The following PPP3CA variants were observed in gnomAD, a reference collection of about 807,000 sequenced individuals.
PPP3CA encodes the protein CAM-PRP catalytic subunit.
In PPP3CA, 14 loss-of-function variants were observed where a neutral mutation model predicts 66.5. The observed-to-expected ratio is 0.21, with a 90% CI of 0.14 to 0.33. PPP3CA has a LOEUF of 0.33. PPP3CA is among the 10% of genes least tolerant of loss of function. PPP3CA has a pLI of 1.00. For missense variants in PPP3CA, 317 were observed against 639.5 expected (o/e 0.50, Z 5.44); for synonymous variants, 232 against 226.2 (o/e 1.03, Z -0.23).
intron 2 of PPP3CA, 53 bp downstream of exon 2, chr4:101,195,863 T>C: frequency 6.6e-7 from 1 of 1,512,448 alleles, no homozygotes; most frequent in Non-Finnish European, 9.1e-7. Context: ...GATTTCATGC[T>C]ATAAACAACA....
At chr4:101,114,792 G>A (rs1334990653) in intron 2 of PPP3CA, among the ~76,000 whole-genome samples, 4 of 151,992 alleles carry the variant, frequency 2.6e-5, no homozygotes, top group African/African-American at 7.2e-5. Context: ...TTTGATCTAA[G>A]TTGAAGCATT....
At chr4:101,275,385 T>A (rs776185543) in intron 1 of PPP3CA, among the ~76,000 whole-genome samples, 1 of 152,212 alleles carries the variant, frequency 6.6e-6, no homozygotes, top group Non-Finnish European at 1.5e-5. Flanking sequence ...TAATCGCCTA[T>A]AGAAAGTTAT....
chr4:101,324,690 C>CA (rs1329077541), intron 1 of PPP3CA, among the ~76,000 whole-genome samples: 1 of 139,380 alleles, frequency 7.2e-6, no homozygotes. Flanking sequence ...AAGAATGGAA[C>CA]AACAAAAAAA....
At chr4:101,270,557 T>C (rs944131709) in intron 1 of PPP3CA, among the ~76,000 whole-genome samples, 2 of 152,146 alleles carry the variant, frequency 1.3e-5, no homozygotes, top group Non-Finnish European at 2.9e-5. Context: ...TTGCAAGAAA[T>C]TAGATACCAA....
chr4:101,089,281 A>G (rs1455546039), intron 6 of PPP3CA, among the ~76,000 whole-genome samples: 1 of 152,152 alleles, frequency 6.6e-6, no homozygotes, highest in East Asian at 1.9e-4. Flanking sequence ...CAGGAAGAGA[A>G]GGGATCGCCC....
Position 101,080,927 on chromosome 4 carries a change from T to C in PPP3CA, c.861-301A>G, listed in dbSNP as rs1048240901. Among the ~76,000 whole-genome samples the C allele has an allele frequency of 4.9e-4, 74 of 152,098 alleles. 1 individual carries two copies. The highest frequency in any genetic ancestry group is 1.7e-3 in the African/African-American group (72 of 41,426). On this transcript the variant is annotated intron_variant, in intron 7 of 13. Coordinates refer to ENST00000394854, the MANE Select transcript of PPP3CA (RefSeq NM_000944.5). Reference sequence around the variant, plus strand: ...AAAATCATAATTCATTTCCATGTGTTCAACAGAAGGCTGATTAGTGCACAC... The same window carrying C: ...AAAATCATAATTCATTTCCATGTGTCCAACAGAAGGCTGATTAGTGCACAC...
intron 7 of PPP3CA, 46 bp from the exon 8 acceptor site, chr4:101,080,672 G>A (rs762692342): frequency 5.1e-6 from 6 of 1,176,194 alleles, no homozygotes; most frequent in Admixed American, 2.2e-5. Flanking sequence ...ATGGAAAAAA[G>A]ATAATATCAA....
chr4:101,162,184 G>A (rs537449970), intron 2 of PPP3CA, among the ~76,000 whole-genome samples: 4 of 152,152 alleles, frequency 2.6e-5, no homozygotes, highest in African/African-American at 9.6e-5. Flanking sequence ...AGGTTGTGGT[G>A]AGCCAAGATG....
At chr4:101,178,004 A>G (rs1366056187) in intron 2 of PPP3CA, among the ~76,000 whole-genome samples, 1 of 152,104 alleles carries the variant, frequency 6.6e-6, no homozygotes, top group African/African-American at 2.4e-5. Context: ...AATAAGTGAT[A>G]TTTTTTGGTC....
intron 1 of PPP3CA, among the ~76,000 whole-genome samples, chr4:101,206,092 A>G (rs1223178296): frequency 6.6e-6 from 1 of 152,172 alleles, no homozygotes; most frequent in Non-Finnish European, 1.5e-5. Flanking sequence ...TAATGCTTAC[A>G]CTGTTTGCTT....
In PPP3CA at chr4:101,027,112, G is replaced by T. The variant is rs1043012857; in HGVS notation, c.1370-1051C>A. Among the ~76,000 whole-genome samples, 38 of 152,130 alleles carry T rather than the reference G, an allele frequency of 2.5e-4. No individual in the cohort carries two copies. The East Asian group carries it at 7.2e-3, about 29-fold the overall frequency. ...GAGCTGCAAATAAAACACATAAATG[G>T]GGAACCAATGACATCAGTTTGCTTT... is the stretch of plus-strand genomic sequence containing the variant. On this transcript the variant is annotated intron_variant, in intron 13 of 13. Transcript: ENST00000394854.
chr4:101,115,303 T>A (rs1341387825), intron 2 of PPP3CA, among the ~76,000 whole-genome samples: 1 of 151,816 alleles, frequency 6.6e-6, no homozygotes, highest in African/African-American at 2.4e-5. Context: ...GAGAATAGAA[T>A]CTTGGCAAAG....
At chr4:101,259,468 A>G (rs1457378852) in intron 1 of PPP3CA, among the ~76,000 whole-genome samples, 1 of 151,980 alleles carries the variant, frequency 6.6e-6, no homozygotes, top group Non-Finnish European at 1.5e-5. Flanking sequence ...CAGTCCCCAC[A>G]GTGGGCACCA....
chr4:101,327,844 C>T (rs765955645), intron 1 of PPP3CA, among the ~76,000 whole-genome samples: 12 of 152,042 alleles, frequency 7.9e-5, no homozygotes, highest in Non-Finnish European at 1.5e-4. Flanking sequence ...TATATATTAA[C>T]AAAATGAGAA....
intron 1 of PPP3CA, among the ~76,000 whole-genome samples, chr4:101,346,046 A>G (rs1022084054): frequency 1.3e-5 from 2 of 152,052 alleles, no homozygotes; most frequent in African/African-American, 4.8e-5. Flanking sequence ...TGGTGCTCTC[A>G]GGTCGTTCCC....
intron 2 of PPP3CA, among the ~76,000 whole-genome samples, chr4:101,133,780 A>G (rs554406740): frequency 6.6e-6 from 1 of 152,354 alleles, no homozygotes; most frequent in South Asian, 2.1e-4. Flanking sequence ...AAGAGCCCAT[A>G]TAACCAAGAC....
chr4:101,064,501 T>C (rs10008256), intron 8 of PPP3CA, among the ~76,000 whole-genome samples: 9,629 of 152,066 alleles, frequency 0.063, 348 homozygotes, highest in African/African-American at 0.092. Context: ...AGATTTTATA[T>C]GATATCATAT....
chr4:101,116,627 G>A (rs1256597246), intron 2 of PPP3CA, among the ~76,000 whole-genome samples: 2 of 151,756 alleles, frequency 1.3e-5, no homozygotes, highest in African/African-American at 2.4e-5. Flanking sequence ...TTAACAGAAT[G>A]CACAAACTTC....
chr4:101,151,833 T>C (rs1205577563), intron 2 of PPP3CA, among the ~76,000 whole-genome samples: 3 of 151,648 alleles, frequency 2.0e-5, no homozygotes, highest in African/African-American at 7.3e-5. Context: ...ATTTTTTGTA[T>C]TTTTAGTAGA....
Sources: allele counts gnomAD v4.1 joint callset (sites outside exome capture counted in the v4.1 genomes callset), GRCh38; gene constraint gnomAD v4.1.1; transcripts MANE v1.5; gene names NCBI Gene and HGNC (gene_info 2026-07-23, HGNC 2026-07-21).